GARS1: variants seen among roughly 807,000 people sequenced by gnomAD.
The protein encoded by GARS1 is glycine--tRNA ligase.
GARS1 carries 46 observed loss-of-function variants against 86.4 expected under a neutral mutation model. The observed-to-expected ratio is 0.53, with a 90% CI of 0.42 to 0.68. The LOEUF (loss-of-function observed/expected upper bound fraction) is 0.68, where lower values mean the gene tolerates loss of function less well. Ranked by LOEUF, GARS1 falls within the 30% of genes least tolerant of loss-of-function variation. The pLI, the probability that GARS1 is intolerant of heterozygous loss-of-function variation, is 0.00. For synonymous variants in GARS1, 342 were observed against 329.8 expected (o/e 1.04, Z -0.40); for missense variants, 797 against 915.6 (o/e 0.87, Z 1.67).
intron 6 of GARS1, among the ~76,000 whole-genome samples, chr7:30,605,944 T>C (rs893483313): frequency 1.3e-5 from 2 of 152,220 alleles, no homozygotes; most frequent in African/African-American, 4.8e-5. Context: ...TAGGTTGATA[T>C]GTTTCTTATA....
At position 30,613,228 on chromosome 7, in the gene GARS1, C is replaced by T. The variant is rs543891938; in HGVS notation, c.1031+983C>T. On this transcript the variant is annotated intron_variant, in intron 8 of 16. Transcript: ENST00000389266. ...TGTATCTCTAGGCCCTACAGGTTTA[C>T]GGTTTAGGAAGGAGGGACTTACAGA... 3.9e-5 allele frequency among the ~76,000 whole-genome samples: 6 copies of T among 152,162 alleles called. No individual in the cohort carries two copies. The South Asian group carries it at 1.2e-3, about 32-fold the overall frequency.
chr7:30,596,957 T>C (rs1269840237), intron 1 of GARS1, among the ~76,000 whole-genome samples: 1 of 152,238 alleles, frequency 6.6e-6, no homozygotes, highest in Non-Finnish European at 1.5e-5. Context: ...GTCTTGTTAG[T>C]AGCACATGTT....
chr7:30,631,672 G>GCTAAA, intron 15 of GARS1, 131 bp downstream of exon 15: 1 of 702,194 alleles, frequency 1.4e-6, no homozygotes, highest in Non-Finnish European at 2.5e-6. Context: ...AAGAGTACAT[G>GCTAAA]ATTTTAGCCT....
At chr7:30,622,121 T>C in intron 11 of GARS1, 196 bp from the exon 12 acceptor site, 2 of 624,466 alleles carry the variant, frequency 3.2e-6, no homozygotes, top group East Asian at 2.9e-5. Flanking sequence ...CTATTGATGG[T>C]GTTAATTTTG....
At chr7:30,609,874 T>C (rs1308788187) in intron 7 of GARS1, 144 bp downstream of exon 7, 19 of 689,942 alleles carry the variant, frequency 2.8e-5, no homozygotes, top group Non-Finnish European at 4.7e-5. Flanking sequence ...GGAGAAATAA[T>C]GGCAGAAATA....
At chr7:30,629,155 T>C (rs1223674917) in intron 14 of GARS1, among the ~76,000 whole-genome samples, 1 of 152,176 alleles carries the variant, frequency 6.6e-6, no homozygotes, top group Non-Finnish European at 1.5e-5. Context: ...AGATGCTGAT[T>C]CACTAGGTCT....
At chr7:30,612,867 G>C (rs1290463582) in intron 8 of GARS1, among the ~76,000 whole-genome samples, 1 of 152,188 alleles carries the variant, frequency 6.6e-6, no homozygotes. Flanking sequence ...GGGCTGGTGA[G>C]TTCTATATTT....
chr7:30,599,037 C>T (rs1010963999), intron 2 of GARS1, 140 bp downstream of exon 2: 3 of 714,452 alleles, frequency 4.2e-6, no homozygotes, highest in Non-Finnish European at 7.5e-6. Context: ...GCCGCCTTCT[C>T]CTTTCCCTCT....
chr7:30,607,976 C>T (rs1454199087), intron 6 of GARS1, among the ~76,000 whole-genome samples: 1 of 152,166 alleles, frequency 6.6e-6, no homozygotes, highest in African/African-American at 2.4e-5. Flanking sequence ...CTTCACATAA[C>T]AAAATATTTC....
chr7:30,605,431 A>G (rs1791461034), intron 6 of GARS1, among the ~76,000 whole-genome samples: 1 of 152,264 alleles, frequency 6.6e-6, no homozygotes, highest in Non-Finnish European at 1.5e-5. Flanking sequence ...AACATAATAA[A>G]CAATTATGTA....
At chr7:30,594,791 G>T (rs968133921), upstream of GARS1, 3 of 761,812 alleles carry the variant, frequency 3.9e-6, no homozygotes, top group African/African-American at 1.8e-5. Flanking sequence ...CCGGCGCCGC[G>T]TCACGCGGTG....
chr7:30,626,907 G>A, intron 13 of GARS1: 1 of 323,964 alleles, frequency 3.1e-6, no homozygotes, highest in Non-Finnish European at 6.1e-6. Flanking sequence ...CTTGAACCCG[G>A]GAGGTGGAGG....
chr7:30,623,317 T>C (rs76487674), intron 12 of GARS1, among the ~76,000 whole-genome samples: 4,940 of 152,210 alleles, frequency 0.032, 264 homozygotes, highest in African/African-American at 0.11. Flanking sequence ...AAAGCACTTA[T>C]TATAAATATG....
intron 6 of GARS1, among the ~76,000 whole-genome samples, chr7:30,608,495 A>G (rs1791529519): frequency 6.6e-6 from 1 of 152,142 alleles, no homozygotes; most frequent in South Asian, 2.1e-4. Context: ...TAATTGTATA[A>G]TGTTATTTTG....
Position 30,628,639 on chromosome 7 carries a change from C to A in GARS1, c.1779C>A (p.Phe593Leu), listed in dbSNP as rs372368483. The A allele has an allele frequency of 8.1e-6, 13 of 1,611,554 alleles. No individual in the cohort carries two copies. The African/African-American group carries it at 1.3e-4, about 17-fold the overall frequency. The change falls in exon 14 of 17, where the codon TTC (phenylalanine) becomes TTA (leucine). Residue 593 changes from phenylalanine to leucine, a missense_variant. Coordinates refer to ENST00000389266, the MANE Select transcript of GARS1 (RefSeq NM_002047.4). ...RIMYTVFEHT[F>L]HVREGDEQRT... Reference sequence around the variant, plus strand: ...TGTATACGGTATTTGAACATACATTCCATGTACGAGAAGGAGATGAACAGA... The same window carrying A: ...TGTATACGGTATTTGAACATACATTACATGTACGAGAAGGAGATGAACAGA...
At chr7:30,601,236 T>G (rs781387343) in intron 4 of GARS1, 36 bp downstream of exon 4, 2 of 1,568,490 alleles carry the variant, frequency 1.3e-6, no homozygotes, top group Non-Finnish European at 8.7e-7. Context: ...TATCCTACTT[T>G]AAATAAAATA....
chr7:30,632,542 C>G lies in GARS1; in HGVS notation c.2094+105C>G. 2 of 1,248,928 alleles carry G rather than the reference C, an allele frequency of 1.6e-6. No homozygotes were observed. The highest frequency in any genetic ancestry group is 1.3e-5 in the South Asian group (1 of 79,236). The allele number at this position is 1,248,928 out of a possible 1,614,324, so 77.4% of individuals were successfully genotyped here. A position where few individuals can be genotyped will look rare whatever the true frequency, so the allele number is the denominator to read the frequency against. ...TTTATGCTCCCTTTCCTTTTTTTTTCTTTTTAATTTTAATGAACGGCTTGT... is the reference window on the plus strand; with the variant it reads ...TTTATGCTCCCTTTCCTTTTTTTTTGTTTTTAATTTTAATGAACGGCTTGT... On this transcript the variant is annotated intron_variant, in intron 16 of 16. Transcript: ENST00000389266. The surrounding 1 kb of genome is among the most constrained non-coding windows in gnomAD (Gnocchi z 4.1).
rs1791314477 is a variant in GARS1 at position 30,598,813 on chromosome 7, A to C, written c.240A>C (p.Lys80Asn). 1 of 1,613,868 alleles carries C rather than the reference A, an allele frequency of 6.2e-7. No homozygotes were observed. Among genetic ancestry groups the C allele is most frequent in the Non-Finnish European group, 8.5e-7 (1 of 1,179,904 alleles). The change falls in exon 2 of 17, where the codon AAA (lysine) becomes AAC (asparagine). Residue 80 changes from lysine to asparagine, a missense_variant. By Grantham distance (94) the Lys-to-Asn change is moderately conservative (BLOSUM62 0). Coordinates refer to ENST00000389266, the MANE Select transcript of GARS1 (RefSeq NM_002047.4). ...AVRQQGDLVR[K>N]LKEDKAPQVD... ...TTGGCTAGGGAGATCTTGTGCGAAA[A>C]CTCAAAGAAGATAAAGCACCCCAAG...
At chr7:30,621,222 C>G (rs1436545382) in intron 10 of GARS1, among the ~76,000 whole-genome samples, 171 bp from the exon 11 acceptor site, 1 of 151,860 alleles carries the variant, frequency 6.6e-6, no homozygotes, top group Non-Finnish European at 1.5e-5. Context: ...TTATTAGCTG[C>G]CTGATATATG....
Sources: allele counts gnomAD v4.1 joint callset (sites outside exome capture counted in the v4.1 genomes callset), GRCh38; gene constraint gnomAD v4.1.1; non-coding constraint Gnocchi (gnomAD v3.1); transcripts MANE v1.5; gene names NCBI Gene and HGNC (gene_info 2026-07-23, HGNC 2026-07-21).